Variants in GRID2 observed in about 807,000 individuals in gnomAD.
GRID2 encodes the protein glutamate ionotropic receptor delta type subunit 2.
GRID2 carries 33 observed loss-of-function variants against 114.8 expected under a neutral mutation model. The ratio of observed to expected loss-of-function variants is 0.29; its 90% CI spans 0.22 to 0.38. The LOEUF (loss-of-function observed/expected upper bound fraction) is 0.38, where lower values mean the gene tolerates loss of function less well. Ranked by LOEUF, GRID2 falls within the 10% of genes least tolerant of loss-of-function variation. GRID2 has a pLI of 1.00. For missense variants in GRID2, 1,184 were observed against 1,257.7 expected (o/e 0.94, Z 0.89); for synonymous variants, 505 against 449.9 (o/e 1.12, Z -1.55).
chr4:93,134,596 G>A (rs189826008), intron 4 of GRID2, among the ~76,000 whole-genome samples: 1 of 152,072 alleles, frequency 6.6e-6, no homozygotes, highest in Non-Finnish European at 1.5e-5. Flanking sequence ...TTTCACAAAA[G>A]TGCTATGCTC....
chr4:92,618,716 C>G (rs182842615), intron 2 of GRID2, among the ~76,000 whole-genome samples: 1 of 151,636 alleles, frequency 6.6e-6, no homozygotes, highest in Non-Finnish European at 1.5e-5. Flanking sequence ...GATCATTCAT[C>G]TCCTTGGCCA....
chr4:93,288,769 T>C (rs1037624672), intron 8 of GRID2, among the ~76,000 whole-genome samples: 3 of 152,228 alleles, frequency 2.0e-5, no homozygotes, highest in Admixed American at 6.5e-5. Context: ...ACCTTTTCCA[T>C]TGGGCTTCCA....
intron 12 of GRID2, among the ~76,000 whole-genome samples, chr4:93,494,450 T>C (rs1289181327): frequency 6.6e-6 from 1 of 151,772 alleles, no homozygotes; most frequent in Non-Finnish European, 1.5e-5. Context: ...AGCAATCTAA[T>C]AGATTTATTT....
At chr4:93,403,366 C>A (rs572262813) in intron 9 of GRID2, among the ~76,000 whole-genome samples, 27 of 152,008 alleles carry the variant, frequency 1.8e-4, no homozygotes, top group African/African-American at 5.3e-4. Flanking sequence ...GTTCCATGGA[C>A]CCACTCCCCA....
rs553803064 is a variant in GRID2 at position 93,068,000 on chromosome 4, A to G, written c.245-16995A>G. 4.6e-5 allele frequency among the ~76,000 whole-genome samples: 7 copies of G among 152,168 alleles called. No homozygotes were observed. In the South Asian group the frequency reaches 1.2e-3, roughly 27 times the overall value. ...ATCTTCAATGCAACTGTAAGCTTCT[A>G]AAGAGTGAGAAGACCTGGTATTACC... On this transcript the variant is annotated intron_variant, in intron 2 of 15. Transcript: ENST00000282020.
intron 4 of GRID2, among the ~76,000 whole-genome samples, chr4:93,165,127 C>T (rs1173843422): frequency 6.6e-6 from 1 of 151,938 alleles, no homozygotes; most frequent in Non-Finnish European, 1.5e-5. Context: ...TAACACAGTG[C>T]CTAATACTAG....
intron 5 of GRID2, among the ~76,000 whole-genome samples, chr4:93,208,482 T>A (rs1743073699): frequency 6.6e-6 from 1 of 151,996 alleles, no homozygotes; most frequent in Non-Finnish European, 1.5e-5. Context: ...AATGATCATA[T>A]CACGTTAAAA....
At chr4:93,181,177 A>T (rs2149435635) in intron 4 of GRID2, among the ~76,000 whole-genome samples, 1 of 152,310 alleles carries the variant, frequency 6.6e-6, no homozygotes, top group Middle Eastern at 3.4e-3. Flanking sequence ...GCGGGCATGA[A>T]AACAACATTA....
In GRID2 at chr4:93,783,458, T is replaced by C. The variant is rs1311701429; in HGVS notation, c.221+14008T>C. Among the ~76,000 whole-genome samples the C allele has an allele frequency of 2.0e-5, 3 of 152,196 alleles. No individual in the cohort carries two copies. The East Asian group carries it at 5.8e-4, about 29-fold the overall frequency. On this transcript the variant is annotated intron_variant, in intron 1 of 1. Coordinates refer to the GRID2 transcript ENST00000637838. ...ATGGTCCTTCTATATTCCTCACTGA[T>C]GTAAGAGGCTTTGTACACTATGGGA...
At chr4:93,764,913 A>G (rs1055995445) in intron 14 of GRID2, among the ~76,000 whole-genome samples, 16 of 152,024 alleles carry the variant, frequency 1.1e-4, no homozygotes, top group Non-Finnish European at 1.5e-5. Flanking sequence ...TTGCAACTCA[A>G]TTTTTGCATT....
intron 2 of GRID2, among the ~76,000 whole-genome samples, chr4:93,006,460 A>T (rs1721537992): frequency 1.3e-5 from 2 of 152,068 alleles, no homozygotes; most frequent in African/African-American, 4.8e-5. Flanking sequence ...GTTTGAAATT[A>T]TGTGAGACTA....
At chr4:93,416,591 C>T (rs1767732771) in intron 9 of GRID2, among the ~76,000 whole-genome samples, 1 of 152,032 alleles carries the variant, frequency 6.6e-6, no homozygotes, top group Non-Finnish European at 1.5e-5. Context: ...GGCAGTAGAG[C>T]TTGTAGCTTG....
At chr4:92,572,520 C>T (rs938522891) in intron 1 of GRID2, among the ~76,000 whole-genome samples, 3 of 152,116 alleles carry the variant, frequency 2.0e-5, no homozygotes, top group African/African-American at 7.2e-5. Flanking sequence ...AGGGAATCCT[C>T]CCTAACTCAT....
intron 8 of GRID2, among the ~76,000 whole-genome samples, chr4:93,322,004 C>T (rs1021934109): frequency 6.6e-6 from 1 of 150,782 alleles, no homozygotes; most frequent in Non-Finnish European, 1.5e-5. Flanking sequence ...AACAATCTTT[C>T]TTCCTGCATT....
intron 8 of GRID2, among the ~76,000 whole-genome samples, chr4:93,336,544 T>TG (rs1193190609): frequency 6.6e-6 from 1 of 152,200 alleles, no homozygotes; most frequent in African/African-American, 2.4e-5. Flanking sequence ...GTGTGGGATA[T>TG]TCTCTAGGAT....
intron 1 of GRID2, among the ~76,000 whole-genome samples, chr4:92,355,558 C>T (rs10016309): frequency 0.19 from 28,112 of 151,710 alleles, 3,746 homozygotes; most frequent in African/African-American, 0.39. Context: ...AGCTGACTTA[C>T]TCTCATACAC....
intron 10 of GRID2, among the ~76,000 whole-genome samples, chr4:93,426,917 G>C (rs1263650873): frequency 2.6e-5 from 4 of 151,984 alleles, no homozygotes; most frequent in Non-Finnish European, 5.9e-5. Flanking sequence ...CTAGGCTTCA[G>C]GAAAACTATT....
intron 4 of GRID2, among the ~76,000 whole-genome samples, chr4:93,116,200 A>T (rs1022681452): frequency 4.6e-5 from 7 of 152,174 alleles, no homozygotes; most frequent in Non-Finnish European, 1.0e-4. Context: ...AATTGTAAAG[A>T]CAATATACTA....
chr4:93,168,783 A>C (rs1738511614), intron 4 of GRID2, among the ~76,000 whole-genome samples: 1 of 150,630 alleles, frequency 6.6e-6, no homozygotes, highest in Non-Finnish European at 1.5e-5. Context: ...TATAATTTCT[A>C]GGGTTACTTC....
Sources: gnomAD v4.1 joint callset for allele counts (sites outside exome capture counted in the v4.1 genomes callset) on GRCh38, gnomAD v4.1.1 for gene constraint, MANE v1.5 for transcripts, NCBI Gene and HGNC (gene_info 2026-07-23, HGNC 2026-07-21) for gene names.